The following PTAFR variants were observed in gnomAD, a reference collection of about 807,000 sequenced individuals.
PTAFR encodes the protein platelet activating factor receptor.
PTAFR carries 8 observed loss-of-function variants against 14.7 expected under a neutral mutation model. The observed-to-expected ratio is 0.54, with a 90% confidence interval of 0.32 to 0.98. The LOEUF is 0.98. Among genes scored for constraint, PTAFR ranks in the 50% least tolerant of loss-of-function variants. The pLI is 0.04. For synonymous variants in PTAFR, 156 were observed against 176.5 expected, an observed-to-expected ratio of 0.88 and a Z score of 0.92; for missense variants, 337 against 451.2, an observed-to-expected ratio of 0.75 and a Z score of 2.29.
At chr1:28,165,327 C>T (rs1646370791) in intron 1 of PTAFR, among the ~76,000 whole-genome samples, 1 of 143,368 alleles carries the variant, frequency 7.0e-6, no homozygotes, top group Non-Finnish European at 1.5e-5. Flanking sequence ...ATCACTTGAA[C>T]CGGGAGGCGG....
intron 1 of PTAFR, among the ~76,000 whole-genome samples, chr1:28,185,367 C>T (rs1646597694): frequency 6.6e-6 from 1 of 152,160 alleles, no homozygotes; most frequent in Admixed American, 6.6e-5. Flanking sequence ...TAAACTAGGG[C>T]AGTCCTGCAC....
At chr1:28,164,791 G>A (rs1414246820) in intron 1 of PTAFR, among the ~76,000 whole-genome samples, 3 of 152,206 alleles carry the variant, frequency 2.0e-5, no homozygotes, top group Non-Finnish European at 4.4e-5. Flanking sequence ...CTTACAGCCT[G>A]AGAATGGGAG....
intron 1 of PTAFR, among the ~76,000 whole-genome samples, chr1:28,193,220 A>C (rs1470882971): frequency 6.6e-6 from 1 of 151,590 alleles, no homozygotes; most frequent in African/African-American, 2.4e-5. Context: ...GACCTTGCGG[A>C]GTAGGTTTGT....
Position 28,149,325 on chromosome 1 carries a change from C to CTTTTT in PTAFR, c.*663_*667dup, listed in dbSNP as rs34668678. On this transcript the variant is annotated 3_prime_UTR_variant, in exon 2 of 2. Transcript: ENST00000373857. ...ATCACTTGAGAGTAGTTGCCCAAAG[C>CTTTTT]TTTTTTTTTTTTTTTTTTTTTTTTT... 8.6e-5 allele frequency: 6 copies of CTTTTT among 69,554 alleles called. No homozygotes were observed. The highest frequency in any genetic ancestry group is 1.3e-4 in the African/African-American group (2 of 14,952). 4.3% of individuals were successfully genotyped at this position (69,554 alleles called of 1,614,324 possible). A position where few individuals can be genotyped will look rare whatever the true frequency, so the allele number is the denominator to read the frequency against.
chr1:28,178,711 T>G (rs913734741), upstream of PTAFR, among the ~76,000 whole-genome samples: 7 of 150,236 alleles, frequency 4.7e-5, no homozygotes, highest in Non-Finnish European at 5.9e-5. Context: ...GCGCCTACTC[T>G]CATGCGAAGA....
At chr1:28,190,764 G>A (rs918416914) in intron 1 of PTAFR, among the ~76,000 whole-genome samples, 1 of 152,262 alleles carries the variant, frequency 6.6e-6, no homozygotes, top group South Asian at 2.1e-4. Context: ...GACTCCTGGG[G>A]ATGGACAGCC....
intron 1 of PTAFR, among the ~76,000 whole-genome samples, chr1:28,172,411 C>A (rs922850014): frequency 6.6e-6 from 1 of 152,148 alleles, no homozygotes; most frequent in East Asian, 1.9e-4. Context: ...GGACCCCGTC[C>A]AGGGAAAAAA....
chr1:28,173,189 A>G (rs1392868523), intron 1 of PTAFR, among the ~76,000 whole-genome samples: 1 of 150,942 alleles, frequency 6.6e-6, no homozygotes, highest in African/African-American at 2.4e-5. Context: ...TTGGGTGGCT[A>G]AAGCTGGAGG....
At chr1:28,163,043 C>T (rs1646343193) in intron 1 of PTAFR, among the ~76,000 whole-genome samples, 1 of 152,142 alleles carries the variant, frequency 6.6e-6, no homozygotes, top group African/African-American at 2.4e-5. Flanking sequence ...ATTTTCTACT[C>T]TTGCTGCACT....
At chr1:28,174,242 G>T (rs1181104582) in intron 1 of PTAFR, among the ~76,000 whole-genome samples, 1 of 152,088 alleles carries the variant, frequency 6.6e-6, no homozygotes, top group African/African-American at 2.4e-5. Context: ...CCCATCAAGG[G>T]GTGCTGCCGG....
chr1:28,163,489 G>A (rs957419096), intron 1 of PTAFR, among the ~76,000 whole-genome samples: 1 of 152,210 alleles, frequency 6.6e-6, no homozygotes, highest in African/African-American at 2.4e-5. Flanking sequence ...CTGTACTGGG[G>A]TGGAGTGGGT....
intron 1 of PTAFR, among the ~76,000 whole-genome samples, chr1:28,155,360 G>A (rs1264044227): frequency 6.6e-6 from 1 of 152,100 alleles, no homozygotes; most frequent in African/African-American, 2.4e-5. Context: ...ACAGGTGTGT[G>A]CCATCACACC....
chr1:28,170,685 G>C (rs1184145603), intron 1 of PTAFR, among the ~76,000 whole-genome samples: 2 of 151,268 alleles, frequency 1.3e-5, no homozygotes, highest in African/African-American at 2.4e-5. Flanking sequence ...CTGGGCAACA[G>C]AGCAAGACCC....
intron 1 of PTAFR, among the ~76,000 whole-genome samples, chr1:28,159,550 C>T (rs1041307688): frequency 6.6e-6 from 1 of 151,984 alleles, no homozygotes; most frequent in African/African-American, 2.4e-5. Context: ...TCAAGAAGTT[C>T]GATTGAGCCA....
At chr1:28,171,883 G>T (rs2149001827) in intron 1 of PTAFR, among the ~76,000 whole-genome samples, 1 of 152,220 alleles carries the variant, frequency 6.6e-6, no homozygotes, top group South Asian at 2.1e-4. Context: ...GGTGGTATCT[G>T]TTTGTGAGTT....
At chr1:28,168,081 C>T (rs889765164) in intron 1 of PTAFR, among the ~76,000 whole-genome samples, 17 of 150,822 alleles carry the variant, frequency 1.1e-4, no homozygotes, top group African/African-American at 4.2e-4. Context: ...GCCTCAGTCT[C>T]CCGAGTAGCT....
intron 1 of PTAFR, among the ~76,000 whole-genome samples, chr1:28,165,163 G>A (rs146173158): frequency 6.8e-4 from 104 of 152,194 alleles, no homozygotes; most frequent in African/African-American, 2.4e-3. Flanking sequence ...CCAGCACTCC[G>A]GGAGGCTGAG....
intron 1 of PTAFR, among the ~76,000 whole-genome samples, chr1:28,173,428 AAC>A (rs1318391709): frequency 6.6e-6 from 1 of 152,086 alleles, no homozygotes; most frequent in Non-Finnish European, 1.5e-5. Context: ...CATCATGTCA[AAC>A]CCCACCTCTA....
intron 1 of PTAFR, among the ~76,000 whole-genome samples, chr1:28,182,002 G>A (rs965739182): frequency 5.3e-5 from 8 of 151,378 alleles, no homozygotes; most frequent in Admixed American, 5.3e-4. Context: ...ATTGCTACAT[G>A]AATCTTCTCG....
Sources: gnomAD v4.1 joint callset for allele counts (sites outside exome capture counted in the v4.1 genomes callset) on GRCh38, gnomAD v4.1.1 for gene constraint, MANE v1.5 for transcripts, NCBI Gene and HGNC (gene_info 2026-07-23, HGNC 2026-07-21) for gene names.